NOS1AP: variants seen among roughly 807,000 people sequenced by gnomAD.
NOS1AP encodes carboxyl-terminal PDZ ligand of neuronal nitric oxide synthase protein.
In NOS1AP, 21 loss-of-function variants were observed where a neutral mutation model predicts 56.2. That is an observed-to-expected ratio of 0.37 (90% CI 0.26 to 0.54). The LOEUF (loss-of-function observed/expected upper bound fraction) is 0.54, where lower values mean the gene tolerates loss of function less well. Among genes scored for constraint, NOS1AP ranks in the 20% least tolerant of loss-of-function variants. The pLI is 0.84. For synonymous variants in NOS1AP, 270 were observed against 274.6 expected, an observed-to-expected ratio of 0.98 and a Z score of 0.17; for missense variants, 522 against 657.8, an observed-to-expected ratio of 0.79 and a Z score of 2.26.
rs200722190 is a variant in NOS1AP at position 162,367,168 on chromosome 1, T to G, written c.1222T>G (p.Leu408Val). Residue 408 changes from leucine to valine, a missense_variant, in exon 10 of 10, where the codon TTG (leucine) becomes GTG (valine). Leu to Val is a conservative substitution (Grantham distance 32). Transcript: ENST00000361897. The surrounding 1 kb of genome is among the most constrained non-coding windows in gnomAD (Gnocchi z 6.5). Reference protein sequence around the residue: ...DLHSPPLGAGLADFAHPAGSP... With the variant: ...DLHSPPLGAGVADFAHPAGSP... ...GCATTCGCCGCCGCTGGGCGCGGGC[T>G]TGGCTGACTTTGCCCACCCTGCGGG... 1.2e-6 allele frequency: 2 copies of G among 1,613,858 alleles called. No homozygotes were observed. The highest frequency in any genetic ancestry group is 2.7e-5 in the African/African-American group (2 of 75,064).
intron 5 of NOS1AP, among the ~76,000 whole-genome samples, chr1:162,343,491 T>C (rs1273717010): frequency 6.6e-6 from 1 of 152,198 alleles, no homozygotes; most frequent in Non-Finnish European, 1.5e-5. Flanking sequence ...GCCGAGTTCC[T>C]CTTAGTTTGA....
chr1:162,298,797 G>A (rs965095455), intron 3 of NOS1AP, among the ~76,000 whole-genome samples: 5 of 152,132 alleles, frequency 3.3e-5, no homozygotes, highest in African/African-American at 1.2e-4. Flanking sequence ...TCCACGAGCA[G>A]CTACAAAAAC....
intron 4 of NOS1AP, among the ~76,000 whole-genome samples, chr1:162,306,545 T>C (rs1309629460): frequency 6.6e-6 from 1 of 152,212 alleles, no homozygotes; most frequent in Admixed American, 6.5e-5. Context: ...CACATAGTTC[T>C]AGCCTAGGTG....
intron 2 of NOS1AP, among the ~76,000 whole-genome samples, chr1:162,184,512 A>C (rs1168710729): frequency 6.6e-6 from 1 of 152,246 alleles, no homozygotes; most frequent in African/African-American, 2.4e-5. Context: ...AGTGAAATGC[A>C]CTAAAACAAC....
intron 4 of NOS1AP, among the ~76,000 whole-genome samples, chr1:162,301,587 A>G (rs1484978639): frequency 2.6e-5 from 4 of 152,206 alleles, no homozygotes; most frequent in African/African-American, 9.7e-5. Context: ...AACCATGTGT[A>G]TTGTCCTGGG....
At chr1:162,164,806 T>C (rs968738713) in intron 2 of NOS1AP, among the ~76,000 whole-genome samples, 1 of 152,198 alleles carries the variant, frequency 6.6e-6, no homozygotes, top group Non-Finnish European at 1.5e-5. Flanking sequence ...CAGCATATTA[T>C]AGGACAAGGA....
At chr1:162,328,855 C>T (rs1011893148) in intron 4 of NOS1AP, among the ~76,000 whole-genome samples, 5 of 152,210 alleles carry the variant, frequency 3.3e-5, no homozygotes, top group African/African-American at 1.2e-4. Context: ...AGTGATGAAT[C>T]CTGACAGACA....
At chr1:162,353,194 C>A (rs1657581137) in intron 6 of NOS1AP, among the ~76,000 whole-genome samples, 1 of 152,152 alleles carries the variant, frequency 6.6e-6, no homozygotes, top group East Asian at 1.9e-4. Context: ...GATCTATCCT[C>A]CATACTATAT....
chr1:162,344,674 G>A (rs1379133363), intron 6 of NOS1AP, among the ~76,000 whole-genome samples: 2 of 148,002 alleles, frequency 1.4e-5, no homozygotes, highest in African/African-American at 5.0e-5. Flanking sequence ...TTGTGCCACC[G>A]CACTCCAGCT....
chr1:162,125,675 C>T (rs1648459075), intron 1 of NOS1AP, among the ~76,000 whole-genome samples: 1 of 152,102 alleles, frequency 6.6e-6, no homozygotes, highest in Admixed American at 6.5e-5. Flanking sequence ...GTTACTATAG[C>T]CTTGTAGTAT....
intron 2 of NOS1AP, among the ~76,000 whole-genome samples, chr1:162,270,538 A>G (rs1400876990): frequency 6.6e-6 from 1 of 152,212 alleles, no homozygotes; most frequent in Non-Finnish European, 1.5e-5. Flanking sequence ...TGTGGTAGTC[A>G]GAGGAGGTTT....
chr1:162,179,425 C>T (rs1005984342), intron 2 of NOS1AP, among the ~76,000 whole-genome samples: 3 of 152,114 alleles, frequency 2.0e-5, no homozygotes, highest in Non-Finnish European at 2.9e-5. Context: ...GCTAGATAAA[C>T]AACAATTCTA....
intron 3 of NOS1AP, among the ~76,000 whole-genome samples, 193 bp downstream of exon 3, chr1:162,287,629 C>A (rs1655129649): frequency 6.6e-6 from 1 of 151,196 alleles, no homozygotes; most frequent in Non-Finnish European, 1.5e-5. Flanking sequence ...GCCTAGTCAC[C>A]AGTTGGCTCA....
chr1:162,341,111 A>G (rs1188142462), intron 5 of NOS1AP, among the ~76,000 whole-genome samples: 2 of 152,238 alleles, frequency 1.3e-5, no homozygotes, highest in African/African-American at 4.8e-5. Flanking sequence ...TTCCAAAGAT[A>G]AATTTAGAAA....
At chr1:162,079,392 CT>C (rs371079160) in intron 1 of NOS1AP, among the ~76,000 whole-genome samples, 75 of 149,778 alleles carry the variant, frequency 5.0e-4, no homozygotes, top group Middle Eastern at 3.5e-3. Flanking sequence ...GAATTGATGT[CT>C]TTTTTTTTTC....
intron 1 of NOS1AP, among the ~76,000 whole-genome samples, chr1:162,120,211 G>T (rs1413539656): frequency 6.6e-6 from 1 of 151,760 alleles, no homozygotes; most frequent in Non-Finnish European, 1.5e-5. Context: ...CTATTCTAAA[G>T]AAATAGCCTA....
chr1:162,183,080 A>C (rs575265326), intron 2 of NOS1AP, among the ~76,000 whole-genome samples: 97 of 152,330 alleles, frequency 6.4e-4, no homozygotes, highest in African/African-American at 2.1e-3. Context: ...TATTTCTTAA[A>C]TAATAAGACT....
intron 6 of NOS1AP, among the ~76,000 whole-genome samples, chr1:162,349,652 C>T (rs1056748369): frequency 6.6e-6 from 1 of 152,180 alleles, no homozygotes; most frequent in Non-Finnish European, 1.5e-5. Flanking sequence ...CGTAAGTACC[C>T]ACTGTTTATC....
chr1:162,085,383 C>A (rs1691980973), intron 1 of NOS1AP, among the ~76,000 whole-genome samples: 1 of 152,060 alleles, frequency 6.6e-6, no homozygotes, highest in African/African-American at 2.4e-5. Context: ...TAATTCTAAT[C>A]AAATCAAATC....
Sources: gnomAD v4.1 joint callset for allele counts (sites outside exome capture counted in the v4.1 genomes callset) on GRCh38, gnomAD v4.1.1 for gene constraint, Gnocchi (gnomAD v3.1) non-coding constraint, MANE v1.5 for transcripts, NCBI Gene and HGNC (gene_info 2026-07-23, HGNC 2026-07-21) for gene names.